Variants in ATP1A1 observed in about 807,000 individuals in gnomAD.
ATP1A1 encodes ATPase Na+/K+ transporting subunit alpha 1, also known as sodium/potassium-transporting ATPase subunit alpha-1.
In ATP1A1, 14 loss-of-function variants were observed where a neutral mutation model predicts 114.8. The observed-to-expected ratio is 0.12, with a 90% confidence interval of 0.08 to 0.19. ATP1A1 has a LOEUF of 0.19. Among genes scored for constraint, ATP1A1 ranks in the 10% least tolerant of loss-of-function variants. ATP1A1 has a pLI of 1.00. For synonymous variants in ATP1A1, 471 were observed against 466.3 expected (o/e 1.01, Z -0.13); for missense variants, 524 against 1,290.7 (o/e 0.41, Z 9.10).
intron 1 of ATP1A1, chr1:116,382,537 G>C (rs961107792): frequency 2.0e-5 from 3 of 152,194 alleles, no homozygotes; most frequent in Non-Finnish European, 4.4e-5. Flanking sequence ...AACCCACCCA[G>C]TTGGAAGAAG....
rs72693792 is a variant in ATP1A1, at chr1:116,384,457, G to A, written c.124-326G>A. Among the ~76,000 whole-genome samples, 1,219 of 152,242 alleles carry A rather than the reference G, an allele frequency of 8.0e-3. 9 individuals are homozygous for A. The highest frequency in any genetic ancestry group is 0.011 in the Non-Finnish European group (754 of 68,014). On this transcript the variant is annotated intron_variant, in intron 2 of 22. Transcript: ENST00000295598. This position sits in a 1 kb window ranked among gnomAD's most constrained non-coding sequence, Gnocchi z 5.1. The stretch of plus-strand genomic sequence containing the variant: ...ATGGAAGCTTCCATAGACTTAACCT[G>A]TCTAGAATCGACCTGGTCATCAGAG...
intron 10 of ATP1A1, chr1:116,392,617 A>C (rs922696971): frequency 1.9e-5 from 8 of 422,896 alleles, no homozygotes; most frequent in African/African-American, 1.2e-4. Flanking sequence ...CCCTTCTTTC[A>C]CTAGAAGCTG....
chr1:116,384,718 ATTT>A lies in ATP1A1; in HGVS notation c.124-61_124-59del. On this transcript the variant is annotated intron_variant, in intron 2 of 22. Transcript: ENST00000295598. This position sits in a 1 kb window ranked among gnomAD's most constrained non-coding sequence, Gnocchi z 5.1. ...CTTAATGATAGTAATGAATAATGCT[ATTT>A]TTTCTGTCATTTTTTTATACTACAC... 7.2e-7 allele frequency: 1 copy of A among 1,389,868 alleles called. No individual in the cohort carries two copies. Among genetic ancestry groups the A allele is most frequent in the South Asian group, 1.3e-5 (1 of 79,024 alleles). 86.1% of individuals were successfully genotyped at this position (1,389,868 alleles called of 1,614,324 possible).
Position 116,393,976 on chromosome 1 carries a change from C to T in ATP1A1, c.1660+253C>T, listed in dbSNP as rs977967924. Among the ~76,000 whole-genome samples, 3 of 151,972 alleles carry T rather than the reference C, an allele frequency of 2.0e-5. No homozygotes were observed. Among genetic ancestry groups the T allele is most frequent in the African/African-American group, 7.2e-5 (3 of 41,394 alleles). On this transcript the variant is annotated intron_variant, in intron 12 of 22. Transcript: ENST00000295598. The surrounding 1 kb of genome is among the most constrained non-coding windows in gnomAD (Gnocchi z 5.0). ...GTTTGCTTCTGACTTGTACTTAGACCTTTGGTCTCATGCTAGTCAGTTCTG... is the reference window on the plus strand; with the variant it reads ...GTTTGCTTCTGACTTGTACTTAGACTTTTGGTCTCATGCTAGTCAGTTCTG...
In ATP1A1 at chr1:116,373,491, C is replaced by G. The variant is rs991974675; in HGVS notation, c.-21C>G. On this transcript the variant is annotated 5_prime_UTR_variant, in exon 1 of 23. Coordinates refer to ENST00000295598, the MANE Select transcript of ATP1A1 (RefSeq NM_000701.8). Reference sequence around the variant, plus strand: ...ATTCTCCAGCGACAGGACCCGGCGCCGGGCACTGAGCACCGCCACCATGGG... The same window carrying G: ...ATTCTCCAGCGACAGGACCCGGCGCGGGGCACTGAGCACCGCCACCATGGG... 2.0e-6 allele frequency: 3 copies of G among 1,510,002 alleles called. No homozygotes were observed. The highest frequency in any genetic ancestry group is 3.4e-4 in the Middle Eastern group (2 of 5,826). The allele number at this position is 1,510,002 out of a possible 1,614,324, so 93.5% of individuals were successfully genotyped here.
chr1:116,389,644 T>C lies in ATP1A1; in HGVS notation c.960T>C (p.Ala320=). 6.2e-7 allele frequency: 1 copy of C among 1,614,226 alleles called. No individual in the cohort carries two copies. The highest frequency in any genetic ancestry group is 1.1e-5 in the South Asian group (1 of 91,086). Residue 320 remains alanine (A), a synonymous_variant, in exon 8 of 23, where the codon GCT becomes GCC. Coordinates refer to ENST00000295598, the MANE Select transcript of ATP1A1 (RefSeq NM_000701.8). This position sits in a 1 kb window ranked among gnomAD's most constrained non-coding sequence, Gnocchi z 6.9. Reference sequence around the variant, plus strand: ...TCCTTGAGTACACCTGGCTTGAGGCTGTCATCTTCCTCATCGGTATCATCG... The same window carrying C: ...TCCTTGAGTACACCTGGCTTGAGGCCGTCATCTTCCTCATCGGTATCATCG... ...SLILEYTWLE[A]VIFLIGIIVA... is the part of the protein sequence containing the mutation.
At position 116,401,101 on chromosome 1, in the gene ATP1A1, G is replaced by C; in HGVS notation, c.2719-29G>C. The C allele has an allele frequency of 6.2e-7, 1 of 1,613,802 alleles. No individual in the cohort carries two copies. The highest frequency in any genetic ancestry group is 8.5e-7 in the Non-Finnish European group (1 of 1,179,672). ...CACCAGCCATGCAGGTGAAGAGCCA[G>C]AGCTCATCTTCTGTCTTCTGCATTT... On this transcript the variant is annotated intron_variant, in intron 19 of 22. Transcript: ENST00000295598. This position sits in a 1 kb window ranked among gnomAD's most constrained non-coding sequence, Gnocchi z 4.7.
In ATP1A1 at chr1:116,387,222, C is replaced by T. The variant is rs1441935190; in HGVS notation, c.184-66C>T. 2.6e-6 allele frequency: 4 copies of T among 1,563,518 alleles called. No homozygotes were observed. In the East Asian group the frequency reaches 6.8e-5, roughly 27 times the overall value. On this transcript the variant is annotated intron_variant, in intron 3 of 22. Coordinates refer to ENST00000295598, the MANE Select transcript of ATP1A1 (RefSeq NM_000701.8). This position sits in a 1 kb window ranked among gnomAD's most constrained non-coding sequence, Gnocchi z 6.7. ...ATCCTTATTGCAACCGTCCAGCTACCAGGTAGGTATATTGCCTTGTAAGTG... is the reference window on the plus strand; with the variant it reads ...ATCCTTATTGCAACCGTCCAGCTACTAGGTAGGTATATTGCCTTGTAAGTG...
In ATP1A1 at chr1:116,399,592, G is replaced by T; in HGVS notation, c.2572+49G>T. 1.9e-6 allele frequency: 3 copies of T among 1,609,500 alleles called. No individual in the cohort carries two copies. The highest frequency in any genetic ancestry group is 2.5e-6 in the Non-Finnish European group (3 of 1,177,542). ...AGCTGGCACATCTAAGGCATCTGAG[G>T]TGATGGTGTCCACCTCAGGTTGAGG... On this transcript the variant is annotated intron_variant, in intron 18 of 22. Coordinates refer to ENST00000295598, the MANE Select transcript of ATP1A1 (RefSeq NM_000701.8). The surrounding 1 kb of genome is among the most constrained non-coding windows in gnomAD (Gnocchi z 5.0).
chr1:116,385,712 C>A lies in ATP1A1; in HGVS notation c.183+870C>A, dbSNP rs913028544. On this transcript the variant is annotated intron_variant, in intron 3 of 22. Transcript: ENST00000295598. This position sits in a 1 kb window ranked among gnomAD's most constrained non-coding sequence, Gnocchi z 4.3. ...AAGGCAGGACTCTAATCTTGTTCCA[C>A]TTTTCTGATTTTCCAGGTAGATAGT... 5 of 152,156 alleles carry A rather than the reference C, an allele frequency of 3.3e-5. No individual in the cohort carries two copies. The highest frequency in any genetic ancestry group is 4.8e-5 in the African/African-American group (2 of 41,434). 9.4% of individuals were successfully genotyped at this position (152,156 alleles called of 1,614,324 possible). A position where few individuals can be genotyped will look rare whatever the true frequency, so the allele number is the denominator to read the frequency against.
intron 1 of ATP1A1, chr1:116,383,332 T>C: frequency 9.3e-7 from 1 of 1,076,570 alleles, no homozygotes. Flanking sequence ...CTGGTAAAGG[T>C]CAGTGTTCTT....
chr1:116,398,156 A>G lies in ATP1A1; in HGVS notation c.2124+118A>G. ...CATACCTCGCTGTATTAGACTCAGT[A>G]TAAATAGGCCAGTAGGAAGCTCATA... is the stretch of plus-strand genomic sequence containing the variant. On this transcript the variant is annotated intron_variant, in intron 15 of 22. Transcript: ENST00000295598. This position sits in a 1 kb window ranked among gnomAD's most constrained non-coding sequence, Gnocchi z 6.1. 2 of 1,379,540 alleles carry G rather than the reference A, an allele frequency of 1.4e-6. No homozygotes were observed. Among genetic ancestry groups the G allele is most frequent in the Middle Eastern group, 2.6e-4 (1 of 3,880 alleles). The allele number at this position is 1,379,540 out of a possible 1,614,324, so 85.5% of individuals were successfully genotyped here. A position where few individuals can be genotyped will look rare whatever the true frequency, so the allele number is the denominator to read the frequency against.
In ATP1A1 at chr1:116,387,208, A is replaced by G; in HGVS notation, c.184-80A>G. 1 of 1,515,794 alleles carries G rather than the reference A, an allele frequency of 6.6e-7. No individual in the cohort carries two copies. Among genetic ancestry groups the G allele is most frequent in the Non-Finnish European group, 9.0e-7 (1 of 1,105,574 alleles). The allele number at this position is 1,515,794 out of a possible 1,614,324, so 93.9% of individuals were successfully genotyped here. On this transcript the variant is annotated intron_variant, in intron 3 of 22. Coordinates refer to ENST00000295598, the MANE Select transcript of ATP1A1 (RefSeq NM_000701.8). The surrounding 1 kb of genome is among the most constrained non-coding windows in gnomAD (Gnocchi z 6.7). The stretch of plus-strand genomic sequence containing the variant: ...TGTTTCTTCCTTAAATCCTTATTGC[A>G]ACCGTCCAGCTACCAGGTAGGTATA...
At chr1:116,377,256 T>C (rs1000050482) in intron 1 of ATP1A1, among the ~76,000 whole-genome samples, 6 of 152,210 alleles carry the variant, frequency 3.9e-5, no homozygotes, top group African/African-American at 7.2e-5. Context: ...ATGTTCTGTT[T>C]ATGGAAGGAG....
At position 116,389,835 on chromosome 1, in the gene ATP1A1, G is replaced by C; in HGVS notation, c.1023+128G>C. 1 of 1,340,194 alleles carries C rather than the reference G, an allele frequency of 7.5e-7. No individual in the cohort carries two copies. Among genetic ancestry groups the C allele is most frequent in the South Asian group, 1.5e-5 (1 of 68,354 alleles). The allele number at this position is 1,340,194 out of a possible 1,614,324, so 83.0% of individuals were successfully genotyped here. A position where few individuals can be genotyped will look rare whatever the true frequency, so the allele number is the denominator to read the frequency against. ...GGATGTTTGATATAGTTCTTCTTGA[G>C]AGCCACATCACGTGGTGAATTTTGA... On this transcript the variant is annotated intron_variant, in intron 8 of 22. Transcript: ENST00000295598. The surrounding 1 kb of genome is among the most constrained non-coding windows in gnomAD (Gnocchi z 6.9).
Position 116,385,393 on chromosome 1 carries a change from G to A in ATP1A1, c.183+551G>A, listed in dbSNP as rs540488758. ...TATGTAGAGGATTTTGATATTAAAT[G>A]TGTAACAAATGTTATAAAAGTAAAT... On this transcript the variant is annotated intron_variant, in intron 3 of 22. Coordinates refer to ENST00000295598, the MANE Select transcript of ATP1A1 (RefSeq NM_000701.8). The surrounding 1 kb of genome is among the most constrained non-coding windows in gnomAD (Gnocchi z 4.3). 239 of 155,500 alleles carry A rather than the reference G, an allele frequency of 1.5e-3. 1 individual carries two copies. The highest frequency in any genetic ancestry group is 2.3e-3 in the Non-Finnish European group (163 of 70,510). 9.6% of individuals were successfully genotyped at this position (155,500 alleles called of 1,614,324 possible).
At position 116,401,308 on chromosome 1, in the gene ATP1A1, G is replaced by A. The variant is rs1653457136; in HGVS notation, c.2849+48G>A. Reference sequence around the variant, plus strand: ...AGGCCTTGGCTCAAAGAAGGGGACTGGTGATTTGTAAACCCTTTGCCAAAA... The same window carrying A: ...AGGCCTTGGCTCAAAGAAGGGGACTAGTGATTTGTAAACCCTTTGCCAAAA... On this transcript the variant is annotated intron_variant, in intron 20 of 22. Coordinates refer to ENST00000295598, the MANE Select transcript of ATP1A1 (RefSeq NM_000701.8). The surrounding 1 kb of genome is among the most constrained non-coding windows in gnomAD (Gnocchi z 4.7). 1 of 1,610,380 alleles carries A rather than the reference G, an allele frequency of 6.2e-7. No individual in the cohort carries two copies. Among genetic ancestry groups the A allele is most frequent in the Non-Finnish European group, 8.5e-7 (1 of 1,177,028 alleles).
intron 1 of ATP1A1, among the ~76,000 whole-genome samples, chr1:116,377,510 G>A (rs1411440021): frequency 1.3e-5 from 2 of 152,206 alleles, no homozygotes; most frequent in South Asian, 2.1e-4. Flanking sequence ...TGACATTATT[G>A]CAACTGTTAT....
Position 116,388,761 on chromosome 1 carries a change from A to G in ATP1A1, c.625A>G (p.Asn209Asp). Reference sequence around the variant, plus strand: ...TGCTGACCTCAGAATCATATCTGCAAATGGCTGCAAGGTAGCTCTTTTATT... The same window carrying G: ...TGCTGACCTCAGAATCATATCTGCAGATGGCTGCAAGGTAGCTCTTTTATT... Reference protein sequence around the residue: ...IPADLRIISANGCKVDNSSLT... With the variant: ...IPADLRIISADGCKVDNSSLT... The change falls in exon 6 of 23, where the codon AAT becomes GAT. Residue 209 changes from asparagine to aspartate, a missense_variant. Asn to Asp is a conservative substitution (Grantham distance 23). Coordinates refer to ENST00000295598, the MANE Select transcript of ATP1A1 (RefSeq NM_000701.8). The surrounding 1 kb of genome is among the most constrained non-coding windows in gnomAD (Gnocchi z 5.6). 1 of 1,614,140 alleles carries G rather than the reference A, an allele frequency of 6.2e-7. No individual in the cohort carries two copies. The highest frequency in any genetic ancestry group is 8.5e-7 in the Non-Finnish European group (1 of 1,180,034).
Sources: allele counts gnomAD v4.1 joint callset (sites outside exome capture counted in the v4.1 genomes callset), GRCh38; gene constraint gnomAD v4.1.1; non-coding constraint Gnocchi (gnomAD v3.1); transcripts MANE v1.5; gene names NCBI Gene and HGNC (gene_info 2026-07-23, HGNC 2026-07-21).